TANC2: variants seen among roughly 807,000 people sequenced by gnomAD.
The protein encoded by TANC2 is tetratricopeptide repeat, ankyrin repeat and coiled-coil containing 2.
Under a neutral mutation model 210.5 loss-of-function variants are expected in TANC2, and 26 were observed. That is an observed-to-expected ratio of 0.12 (90% CI 0.09 to 0.17). The LOEUF (loss-of-function observed/expected upper bound fraction) is 0.17. Ranked by LOEUF, TANC2 falls within the 10% of genes least tolerant of loss-of-function variation. The pLI is 1.00. For synonymous variants in TANC2, 931 were observed against 967.1 expected, an observed-to-expected ratio of 0.96 and a Z score of 0.69; for missense variants, 2,129 against 2,608.9, an observed-to-expected ratio of 0.82 and a Z score of 4.01.
rs1020052998 is a variant in TANC2 at position 63,408,487 on chromosome 17, A to G, written c.3589+2210A>G. ...TGTAATGTACATCCAAAACTTTCTT[A>G]TCCTACTCTTTCCTCCACTGGATAC... On this transcript the variant is annotated intron_variant, in intron 21 of 27. Coordinates refer to ENST00000689528, the Ensembl canonical transcript of TANC2. Among the ~76,000 whole-genome samples the G allele has an allele frequency of 1.6e-4, 24 of 152,230 alleles. 1 individual carries two copies. Among genetic ancestry groups the G allele is most frequent in the Admixed American group, 6.5e-5 (1 of 15,286 alleles).
intron 7 of TANC2, among the ~76,000 whole-genome samples, chr17:63,220,719 A>T (rs2927292): frequency 0.46 from 61,335 of 134,134 alleles, 14,302 homozygotes; most frequent in Non-Finnish European, 0.49. Flanking sequence ...AAAAAAAAAA[A>T]ATATATATAT....
At chr17:63,218,466 A>G (rs545269950) in intron 7 of TANC2, among the ~76,000 whole-genome samples, 1 of 152,288 alleles carries the variant, frequency 6.6e-6, no homozygotes, top group South Asian at 2.1e-4. Flanking sequence ...GGCAGTCTCA[A>G]TCAGTGAAAT....
chr17:63,173,163 G>A lies in TANC2; in HGVS notation c.434-20828G>A, dbSNP rs79545544. ...GAGAATTTCAGGAAAATATCTGTTA[G>A]CAAAATATAACACATTTATCCTCAA... On this transcript the variant is annotated intron_variant, in intron 5 of 27. Coordinates refer to ENST00000689528, the Ensembl canonical transcript of TANC2. Among the ~76,000 whole-genome samples, 79 of 152,238 alleles carry A rather than the reference G, an allele frequency of 5.2e-4. No individual in the cohort carries two copies. In the East Asian group the frequency reaches 7.5e-3, roughly 14 times the overall value.
intron 5 of TANC2, among the ~76,000 whole-genome samples, chr17:63,173,792 A>G (rs909854690): frequency 6.7e-6 from 1 of 148,602 alleles, no homozygotes; most frequent in African/African-American, 2.4e-5. Context: ...TCCATGCTTG[A>G]ACATACATAC....
intron 5 of TANC2, among the ~76,000 whole-genome samples, chr17:63,160,026 T>C (rs1032637443): frequency 6.6e-6 from 1 of 152,232 alleles, no homozygotes. Flanking sequence ...CCTCACATGC[T>C]TTTCCTCTGT....
intron 17 of TANC2, chr17:63,391,033 C>G (rs1402298617): frequency 6.6e-6 from 1 of 152,198 alleles, no homozygotes; most frequent in East Asian, 1.9e-4. Context: ...GAAGGAAGTA[C>G]TTACCTTCCT....
intron 5 of TANC2, among the ~76,000 whole-genome samples, chr17:63,179,088 G>A (rs2040688638): frequency 1.3e-5 from 2 of 152,026 alleles, no homozygotes; most frequent in Non-Finnish European, 2.9e-5. Flanking sequence ...TTTTGAGGGG[G>A]CCTGTATTAT....
chr17:63,137,561 GT>G (rs2039133861), intron 4 of TANC2, among the ~76,000 whole-genome samples: 1 of 152,108 alleles, frequency 6.6e-6, no homozygotes, highest in Non-Finnish European at 1.5e-5. Context: ...TAATCTGTTT[GT>G]TTCATGAAAG....
chr17:63,397,862 A>G (rs1339583553), intron 18 of TANC2, among the ~76,000 whole-genome samples: 5 of 152,244 alleles, frequency 3.3e-5, no homozygotes, highest in African/African-American at 1.2e-4. Flanking sequence ...CTAATAAACA[A>G]CTGGCTTTCA....
chr17:63,201,030 T>G, intron 7 of TANC2, 73 bp downstream of exon 7: 2 of 1,378,568 alleles, frequency 1.5e-6, no homozygotes, highest in Non-Finnish European at 2.0e-6. Flanking sequence ...AGCTTAAGGT[T>G]TTTAAAAATT....
At chr17:63,413,731 T>A in intron 25 of TANC2, 97 bp downstream of exon 25, 1 of 1,167,148 alleles carries the variant, frequency 8.6e-7, no homozygotes. Flanking sequence ...ATCCTTTGCG[T>A]AGAGGCAAAG....
At chr17:63,073,975 C>A in exon 3 of TANC2, 1 of 1,590,374 alleles carries the variant, frequency 6.3e-7, no homozygotes, top group South Asian at 1.2e-5. Flanking sequence ...GGATCGAAGA[C>A]AGTCAAGTGT....
At chr17:63,416,300 GC>G (rs764911311) in intron 26 of TANC2, among the ~76,000 whole-genome samples, 1 of 152,036 alleles carries the variant, frequency 6.6e-6, no homozygotes, top group Non-Finnish European at 1.5e-5. Context: ...TGCTCCCTCA[GC>G]CACTGCCCTT....
chr17:63,211,699 C>G (rs192588306), intron 7 of TANC2, among the ~76,000 whole-genome samples: 3 of 152,156 alleles, frequency 2.0e-5, no homozygotes, highest in Admixed American at 6.5e-5. Context: ...TACTTTTCCC[C>G]CATTGACTGT....
chr17:63,273,438 A>C (rs1567872321), intron 9 of TANC2, among the ~76,000 whole-genome samples: 1 of 152,110 alleles, frequency 6.6e-6, no homozygotes, highest in African/African-American at 2.4e-5. Context: ...TCATTTATTC[A>C]TTTTTTTATA....
At chr17:63,120,717 G>C (rs1304845113) in intron 4 of TANC2, 3 of 145,240 alleles carry the variant, frequency 2.1e-5, no homozygotes, top group Non-Finnish European at 4.5e-5. Context: ...GGGAGGTTTA[G>C]GTAGGAGAAT....
chr17:63,357,770 C>T (rs369604134), intron 14 of TANC2, among the ~76,000 whole-genome samples: 109 of 152,352 alleles, frequency 7.2e-4, no homozygotes, highest in African/African-American at 2.5e-3. Flanking sequence ...GCTGGCTGCA[C>T]TTGTTTTCCA....
intron 10 of TANC2, among the ~76,000 whole-genome samples, chr17:63,317,423 TCCACCA>T (rs1169928492): frequency 6.7e-6 from 1 of 150,112 alleles, no homozygotes; most frequent in South Asian, 2.1e-4. Flanking sequence ...CCCATCAGTC[TCCACCA>T]CCACCACCAC....
chr17:63,274,316 A>G (rs998539030), intron 9 of TANC2, among the ~76,000 whole-genome samples: 5 of 152,094 alleles, frequency 3.3e-5, no homozygotes, highest in Non-Finnish European at 7.4e-5. Flanking sequence ...ATGTGAGTCA[A>G]CTGTCCAAAG....
Sources: gnomAD v4.1 joint callset for allele counts (sites outside exome capture counted in the v4.1 genomes callset) on GRCh38, gnomAD v4.1.1 for gene constraint, MANE v1.5 for transcripts, NCBI Gene and HGNC (gene_info 2026-07-23, HGNC 2026-07-21) for gene names.